Variants in CYC1 observed in about 807,000 individuals in gnomAD.
The protein encoded by CYC1 is cytochrome c1.
CYC1 carries 10 observed loss-of-function variants against 33.8 expected under a neutral mutation model. The observed-to-expected ratio is 0.30, with a 90% CI of 0.18 to 0.50. CYC1 has a LOEUF of 0.50. Ranked by LOEUF, CYC1 falls within the 20% of genes least tolerant of loss-of-function variation. The probability of loss-of-function intolerance (pLI) is 0.98; values close to 1 mark genes in which losing one functional copy is unlikely to be tolerated. For missense variants in CYC1, 459 were observed against 437.6 expected (o/e 1.05, Z -0.44); for synonymous variants, 224 against 181.9 (o/e 1.23, Z -1.86).
rs17415211 is a variant in CYC1 at position 144,096,480 on chromosome 8, C to T, written c.597C>T (p.Tyr199=). Residue 199 remains tyrosine, a synonymous_variant, in exon 4 of 7, where the codon TAC becomes TAT. Transcript: ENST00000318911. ...NNGALPPDLS[Y]IVRARHGGED... ...GAGCATTGCCCCCTGACCTCAGCTA[C>T]ATCGTGCGAGCTAGGTACACGGGCT... 4.3e-6 allele frequency: 7 copies of T among 1,614,018 alleles called. No homozygotes were observed. In the African/African-American group the frequency reaches 6.7e-5, roughly 15 times the overall value.
rs1836160003 is a variant in CYC1, at chr8:144,096,600, T to C, written c.628T>C (p.Tyr210His). 9.9e-6 allele frequency: 16 copies of C among 1,613,934 alleles called. No homozygotes were observed. Among genetic ancestry groups the C allele is most frequent in the Non-Finnish European group, 1.3e-5 (15 of 1,180,010 alleles). The change falls in exon 5 of 7, where the codon TAC (tyrosine) becomes CAC (histidine). Residue 210 changes from tyrosine (Y) to histidine (H), a missense_variant. Physicochemically the swap from Tyr to His is moderately conservative, Grantham distance 83. Transcript: ENST00000318911. The stretch of plus-strand genomic sequence containing the variant: ...TGGTCCTAGGCATGGTGGTGAGGAC[T>C]ACGTCTTCTCCCTGCTCACGGGCTA... ...IVRARHGGEDYVFSLLTGYCE... is the reference protein window; with the variant it reads ...IVRARHGGEDHVFSLLTGYCE...
chr8:144,096,970 G>C lies in CYC1; in HGVS notation c.773-64G>C, dbSNP rs34281202. On this transcript the variant is annotated intron_variant, in intron 5 of 6. Coordinates refer to ENST00000318911, the MANE Select transcript of CYC1 (RefSeq NM_001916.5). ...TAGGGGCAGTGTCTGCTTCACAGAG[G>C]GGGGGCATGATCCCAGGTTGGACAT... 4.5e-4 allele frequency: 636 copies of C among 1,406,240 alleles called. No individual in the cohort carries two copies. The African/African-American group carries it at 7.0e-3, about 15-fold the overall frequency. 87.1% of individuals were successfully genotyped at this position (1,406,240 alleles called of 1,614,324 possible).
intron 1 of CYC1, 51 bp from the exon 2 acceptor site, chr8:144,095,782 C>T (rs1836136647): frequency 6.3e-7 from 1 of 1,579,036 alleles, no homozygotes; most frequent in Admixed American, 1.9e-5. Context: ...AGTCAGATCC[C>T]CAGGTAGGGC....
rs1006696830 is a variant in CYC1 at position 144,096,687 on chromosome 8, G to A, written c.715G>A (p.Gly239Ser). Residue 239 changes from glycine to serine, a missense_variant, in exon 5 of 7, where the codon GGC becomes AGC. Physicochemically the swap from Gly to Ser is moderately conservative, Grantham distance 56 (BLOSUM62 0). Coordinates refer to ENST00000318911, the MANE Select transcript of CYC1 (RefSeq NM_001916.5). Reference sequence around the variant, plus strand: ...TCTCTACTTCAACCCCTACTTTCCTGGCCAGGCCATTGCCATGGCCCCTCC... The same window carrying A: ...TCTCTACTTCAACCCCTACTTTCCTAGCCAGGCCATTGCCATGGCCCCTCC... ...EGLYFNPYFP[G>S]QAIAMAPPIY... 2 of 1,613,188 alleles carry A rather than the reference G, an allele frequency of 1.2e-6. No homozygotes were observed. Among genetic ancestry groups the A allele is most frequent in the Middle Eastern group, 1.6e-4 (1 of 6,062 alleles).
rs757249899 is a variant in CYC1 at position 144,096,220 on chromosome 8, G to A, written c.423G>A (p.Thr141=). ...AYRHLVGVCY[T]EDEAKELAAE... The stretch of plus-strand genomic sequence containing the variant: ...GCCACCTGGTGGGCGTGTGCTACAC[G>A]GAGGATGAAGCTAAGGAGCTGGCTG... The change falls in exon 3 of 7, where the codon ACG becomes ACA. Residue 141 remains threonine (T), a synonymous_variant. Coordinates refer to ENST00000318911, the MANE Select transcript of CYC1 (RefSeq NM_001916.5). 6.2e-7 allele frequency: 1 copy of A among 1,614,108 alleles called. No individual in the cohort carries two copies. Among genetic ancestry groups the A allele is most frequent in the Non-Finnish European group, 8.5e-7 (1 of 1,179,988 alleles).
rs1459100839 is a variant in CYC1 at position 144,097,408 on chromosome 8, A to G, written c.*72A>G. 1.5e-6 allele frequency: 2 copies of G among 1,305,594 alleles called. No homozygotes were observed. Among genetic ancestry groups the G allele is most frequent in the African/African-American group, 1.4e-5 (1 of 69,056 alleles). 80.9% of individuals were successfully genotyped at this position (1,305,594 alleles called of 1,614,324 possible). ...CCCAAGAGCCATCCCAGGCCTGTTC[A>G]GGCCTCAGCTAAGCCTCTCTTCATC... On this transcript the variant is annotated 3_prime_UTR_variant, in exon 7 of 7. Coordinates refer to ENST00000318911, the MANE Select transcript of CYC1 (RefSeq NM_001916.5).
intron 5 of CYC1, 64 bp from the exon 6 acceptor site, chr8:144,096,968 AGG>A: frequency 7.1e-7 from 1 of 1,399,216 alleles, no homozygotes; most frequent in South Asian, 1.2e-5. Context: ...TGCTTCACAG[AGG>A]GGGGGCATGA....
rs752290958 is a variant in CYC1, at chr8:144,096,440, G to C, written c.557G>C (p.Arg186Pro). Residue 186 changes from arginine to proline, a missense_variant, in exon 4 of 7, where the codon CGA becomes CCA. Arg to Pro is a moderately radical substitution (Grantham distance 103). Coordinates refer to ENST00000318911, the MANE Select transcript of CYC1 (RefSeq NM_001916.5). Reference protein sequence around the residue: ...PKPYPNSEAARAANNGALPPD... With the variant: ...PKPYPNSEAAPAANNGALPPD... ...CCATACCCCAACAGTGAGGCTGCTC[G>C]AGCTGCCAACAACGGAGCATTGCCC... The C allele has an allele frequency of 3.1e-6, 5 of 1,614,140 alleles. No individual in the cohort carries two copies. Among genetic ancestry groups the C allele is most frequent in the Non-Finnish European group, 4.2e-6 (5 of 1,180,020 alleles).
chr8:144,096,933 T>TGATGCCTTGGGTATG, intron 5 of CYC1, 101 bp from the exon 6 acceptor site: 1 of 1,219,560 alleles, frequency 8.2e-7, no homozygotes. Context: ...ACTGCCCCTT[T>TGATGCCTTGGGTATG]GATGCCTTGG....
rs569242301 is a variant in CYC1 at position 144,095,554 on chromosome 8, G to A, written c.130-279G>A. ...GGGCCCGCGTCCTGAAGTGACCCCA[G>A]CCTGATCTCGGCCAGCTGCTTGTGA... On this transcript the variant is annotated intron_variant, in intron 1 of 6. Transcript: ENST00000318911. 349 of 526,908 alleles carry A rather than the reference G, an allele frequency of 6.6e-4. 4 individuals are homozygous for A. The South Asian group carries it at 8.6e-3, about 13-fold the overall frequency. The allele number at this position is 526,908 out of a possible 1,614,324, so 32.6% of individuals were successfully genotyped here.
intron 1 of CYC1, 104 bp downstream of exon 1, chr8:144,095,332 C>T (rs1466942288): frequency 2.9e-6 from 3 of 1,017,602 alleles, no homozygotes; most frequent in East Asian, 4.0e-5. Flanking sequence ...GAAGCGGTAC[C>T]GGCCACCCAG....
Position 144,095,078 on chromosome 8 carries a change from C to A in CYC1, c.-22C>A, listed in dbSNP as rs1426992416. On this transcript the variant is annotated 5_prime_UTR_variant, in exon 1 of 7. Transcript: ENST00000318911. ...GCGCCCCAGGGGCCGACGGGAGTGG[C>A]GGCCGCGCGGAGGAGGCCAAGATGG... The A allele has an allele frequency of 8.3e-7, 1 of 1,203,868 alleles. No homozygotes were observed. The highest frequency in any genetic ancestry group is 4.4e-5 in the Admixed American group (1 of 22,662). 74.6% of individuals were successfully genotyped at this position (1,203,868 alleles called of 1,614,324 possible). A position where few individuals can be genotyped will look rare whatever the true frequency, so the allele number is the denominator to read the frequency against.
intron 5 of CYC1, 51 bp downstream of exon 5, chr8:144,096,795 C>G (rs746653520): frequency 2.1e-5 from 27 of 1,281,078 alleles, no homozygotes; most frequent in Non-Finnish European, 2.8e-5. Context: ...TCTCCACTAC[C>G]CCCAGGGATG....
rs1201201908 is a variant in CYC1, at chr8:144,095,202, G to A, written c.103G>A (p.Gly35Arg). The stretch of plus-strand genomic sequence containing the variant: ...GGGTCTGCTGTGCAGCGCGCGTCCC[G>A]GGCAGCTCCCGCTACGGACACCTCA... The part of the protein sequence containing the change: ...ARGLLCSARP[G>R]QLPLRTPQAV... Residue 35 changes from glycine (G) to arginine (R), a missense_variant, in exon 1 of 7, where the codon GGG (glycine) becomes AGG (arginine). By Grantham distance (125) the Gly-to-Arg change is moderately radical. Transcript: ENST00000318911. 4.2e-6 allele frequency: 5 copies of A among 1,202,312 alleles called. No individual in the cohort carries two copies. The highest frequency in any genetic ancestry group is 8.3e-5 in the South Asian group (2 of 23,968). 74.5% of individuals were successfully genotyped at this position (1,202,312 alleles called of 1,614,324 possible).
Position 144,095,150 on chromosome 8 carries a change from C to G in CYC1, c.51C>G (p.Gly17=). ...GCGGGGTAGTGTTGGGCCCGCGGGG[C>G]GCGGGGCTCCCGGGCGCGCGTGCCC... The part of the protein sequence containing the change: ...SLRGVVLGPR[G]AGLPGARARG... The change falls in exon 1 of 7, where the codon GGC becomes GGG. Residue 17 remains glycine (G), a synonymous_variant. Coordinates refer to ENST00000318911, the MANE Select transcript of CYC1 (RefSeq NM_001916.5). 8.3e-7 allele frequency: 1 copy of G among 1,210,168 alleles called. No homozygotes were observed. Among genetic ancestry groups the G allele is most frequent in the Non-Finnish European group, 1.0e-6 (1 of 973,132 alleles). 75.0% of individuals were successfully genotyped at this position (1,210,168 alleles called of 1,614,324 possible). A position where few individuals can be genotyped will look rare whatever the true frequency, so the allele number is the denominator to read the frequency against.
intron 1 of CYC1, 147 bp from the exon 2 acceptor site, chr8:144,095,686 G>C: frequency 1.3e-6 from 1 of 785,588 alleles, no homozygotes; most frequent in Non-Finnish European, 2.1e-6. Flanking sequence ...CAGCGGCGGA[G>C]AGGGATGGGG....
In CYC1 at chr8:144,096,364, G is replaced by A. The variant is rs979963106; in HGVS notation, c.481G>A (p.Asp161Asn). Residue 161 changes from aspartate (D) to asparagine (N), a missense_variant, in exon 4 of 7, where the codon GAT becomes AAT. Asp to Asn is a conservative substitution (Grantham distance 23). Coordinates refer to ENST00000318911, the MANE Select transcript of CYC1 (RefSeq NM_001916.5). ...EVEVQDGPNE[D>N]GEMFMRPGKL... ...GGAGGTTCAAGACGGCCCCAATGAA[G>A]ATGGGGAGATGTTCATGCGGCCAGG... 1 of 1,614,086 alleles carries A rather than the reference G, an allele frequency of 6.2e-7. No individual in the cohort carries two copies. The highest frequency in any genetic ancestry group is 8.5e-7 in the Non-Finnish European group (1 of 1,180,012).
chr8:144,097,413 T>C lies in CYC1; in HGVS notation c.*77T>C, dbSNP rs576786410. On this transcript the variant is annotated 3_prime_UTR_variant, in exon 7 of 7. Transcript: ENST00000318911. ...GAGCCATCCCAGGCCTGTTCAGGCC[T>C]CAGCTAAGCCTCTCTTCATCTGGAA... The C allele has an allele frequency of 4.0e-6, 5 of 1,243,294 alleles. No individual in the cohort carries two copies. The African/African-American group carries it at 5.9e-5, about 15-fold the overall frequency. 77.0% of individuals were successfully genotyped at this position (1,243,294 alleles called of 1,614,324 possible).
chr8:144,096,143 G>GTA lies in CYC1; in HGVS notation c.351_352dup (p.Lys118IlefsTer137). 6.2e-7 allele frequency: 1 copy of GTA among 1,613,558 alleles called. No individual in the cohort carries two copies. Among genetic ancestry groups the GTA allele is most frequent in the Non-Finnish European group, 8.5e-7 (1 of 1,179,910 alleles). Reference sequence around the variant, plus strand: ...CTCCAGCATCCGGAGGGGTTTCCAGGTATATAAGCAGGTGTGCGCCTCCTG... The same window carrying GTA: ...CTCCAGCATCCGGAGGGGTTTCCAGGTATATATAAGCAGGTGTGCGCCTCCTG... On this transcript the variant is annotated frameshift_variant, in exon 3 of 7. Coordinates refer to ENST00000318911, the MANE Select transcript of CYC1 (RefSeq NM_001916.5). LOFTEE classifies it high-confidence loss of function.
Sources: gnomAD v4.1 joint callset for allele counts on GRCh38, gnomAD v4.1.1 for gene constraint, MANE v1.5 for transcripts, NCBI Gene and HGNC (gene_info 2026-07-23, HGNC 2026-07-21) for gene names.